The following NBEAL1 variants were observed in gnomAD, a reference collection of about 807,000 sequenced individuals.
The protein encoded by NBEAL1 is neurobeachin-like protein 1.
In NBEAL1, 273 loss-of-function variants were observed where a neutral mutation model predicts 351.3. The ratio of observed to expected loss-of-function variants is 0.78; its 90% CI spans 0.70 to 0.86. The LOEUF (loss-of-function observed/expected upper bound fraction) is 0.86. Among genes scored for constraint, NBEAL1 ranks in the 40% least tolerant of loss-of-function variants. The pLI is 0.00. For missense variants in NBEAL1, 2,961 were observed against 3,201.3 expected, an observed-to-expected ratio of 0.92 and a Z score of 1.81; for synonymous variants, 1,050 against 1,086.4, an observed-to-expected ratio of 0.97 and a Z score of 0.66.
rs986377533 is a variant in NBEAL1, at chr2:203,138,032, G to A, written c.4566-130G>A. Reference sequence around the variant, plus strand: ...TCAATTTCCATTTACAGTATCTTAGGGATACCTGCTAGAGATAGTATATCT... The same window carrying A: ...TCAATTTCCATTTACAGTATCTTAGAGATACCTGCTAGAGATAGTATATCT... On this transcript the variant is annotated intron_variant, in intron 29 of 55. Transcript: ENST00000683969. The A allele has an allele frequency of 8.0e-5, 66 of 826,614 alleles. 1 individual carries two copies. The highest frequency in any genetic ancestry group is 1.2e-4 in the Non-Finnish European group (64 of 530,590). 51.2% of individuals were successfully genotyped at this position (826,614 alleles called of 1,614,324 possible). A position where few individuals can be genotyped will look rare whatever the true frequency, so the allele number is the denominator to read the frequency against.
intron 26 of NBEAL1, 73 bp downstream of exon 26, chr2:203,132,205 C>A: frequency 1.1e-6 from 1 of 945,084 alleles, no homozygotes; most frequent in Non-Finnish European, 1.5e-6. Context: ...ATACCTTTCT[C>A]AGGCTGCTTT....
At chr2:203,097,748 A>C (rs1475999564) in intron 11 of NBEAL1, 115 bp downstream of exon 11, 1 of 233,330 alleles carries the variant, frequency 4.3e-6, no homozygotes, top group Non-Finnish European at 7.1e-6. Context: ...GTCAAATTCT[A>C]ATATTTATTA....
chr2:203,069,364 G>A (rs1487279567), intron 7 of NBEAL1, among the ~76,000 whole-genome samples: 1 of 152,098 alleles, frequency 6.6e-6, no homozygotes, highest in Non-Finnish European at 1.5e-5. Flanking sequence ...AAGCTCCATA[G>A]TAGACCATCT....
intron 19 of NBEAL1, among the ~76,000 whole-genome samples, chr2:203,124,328 T>A (rs1296121624): frequency 6.6e-6 from 1 of 152,048 alleles, no homozygotes; most frequent in Non-Finnish European, 1.5e-5. Flanking sequence ...CGAAACCCTG[T>A]CTCAAAAACA....
chr2:203,123,755 A>G (rs1419158829), intron 19 of NBEAL1, among the ~76,000 whole-genome samples: 3 of 152,318 alleles, frequency 2.0e-5, no homozygotes, highest in African/African-American at 4.8e-5. Context: ...GGTATTTTAT[A>G]TATAGAAATC....
rs1012291224 is a variant in NBEAL1, at chr2:203,038,050, A to T, written c.52-3715A>T. Among the ~76,000 whole-genome samples, 42 of 149,248 alleles carry T rather than the reference A, an allele frequency of 2.8e-4. 3 individuals carry two copies. Among genetic ancestry groups the T allele is most frequent in the African/African-American group, 7.5e-4 (31 of 41,182 alleles). On this transcript the variant is annotated intron_variant, in intron 2 of 55. Transcript: ENST00000683969. Reference sequence around the variant, plus strand: ...CTTTTGCTCAATAGATTTTTGAAAAATTTTTTTGTCATTGTAAGTATCAAT... The same window carrying T: ...CTTTTGCTCAATAGATTTTTGAAAATTTTTTTTGTCATTGTAAGTATCAAT...
intron 17 of NBEAL1, among the ~76,000 whole-genome samples, chr2:203,113,566 T>TTTG (rs2062621029): frequency 6.6e-6 from 1 of 152,084 alleles, no homozygotes; most frequent in Non-Finnish European, 1.5e-5. Flanking sequence ...TCATCCATAA[T>TTTG]ACTGCCTGTA....
Position 203,223,065 on chromosome 2 carries a change from T to C in NBEAL1, c.*5711T>C, listed in dbSNP as rs976281877. On this transcript the variant is annotated 3_prime_UTR_variant, in exon 56 of 56. Transcript: ENST00000683969. ...GTATTATCAGATACTTATTTGATTA[T>C]AGTAATTCATCAGACACATCTCCTT... Among the ~76,000 whole-genome samples the C allele has an allele frequency of 6.6e-6, 1 of 152,200 alleles. No homozygotes were observed. Among genetic ancestry groups the C allele is most frequent in the Non-Finnish European group, 1.5e-5 (1 of 68,018 alleles).
At position 203,113,112 on chromosome 2, in the gene NBEAL1, C is replaced by G. The variant is rs1408600260; in HGVS notation, c.2300C>G (p.Pro767Arg). 2 of 1,552,954 alleles carry G rather than the reference C, an allele frequency of 1.3e-6. No individual in the cohort carries two copies. Among genetic ancestry groups the G allele is most frequent in the Admixed American group, 2.0e-5 (1 of 50,722 alleles). ...CCACCTTTCTCTTCTCCCATTACCC[C>G]TCATCGGACATCATTTGGTGGAATT... ...PDPPFSSPIT[P>R]HRTSFGGILS... Residue 767 changes from proline to arginine, a missense_variant, in exon 17 of 56, where the codon CCT becomes CGT. Coordinates refer to ENST00000683969, the MANE Select transcript of NBEAL1 (RefSeq NM_001378026.1).
Position 203,113,269 on chromosome 2 carries a change from C to T in NBEAL1, c.2457C>T (p.Ile819=). ...SLEGQLGSVI[I]FYEPLQPPQV... ...AGGGTCAGCTAGGATCTGTTATCAT[C>T]TTTTATGAACCACTACAACCTCCTC... The change falls in exon 17 of 56, where the codon ATC becomes ATT. Residue 819 remains isoleucine, a synonymous_variant. Transcript: ENST00000683969. The T allele has an allele frequency of 1.3e-6, 2 of 1,481,810 alleles. No homozygotes were observed. The highest frequency in any genetic ancestry group is 2.4e-5 in the Admixed American group (1 of 41,212). The allele number at this position is 1,481,810 out of a possible 1,614,324, so 91.8% of individuals were successfully genotyped here. A position where few individuals can be genotyped will look rare whatever the true frequency, so the allele number is the denominator to read the frequency against.
chr2:203,074,383 A>G (rs913920624), intron 7 of NBEAL1, among the ~76,000 whole-genome samples: 4 of 133,650 alleles, frequency 3.0e-5, no homozygotes, highest in Admixed American at 8.8e-5. Context: ...GGAGTGGTGC[A>G]GTGGCACGAT....
At chr2:203,088,428 G>T (rs1399368009) in intron 10 of NBEAL1, among the ~76,000 whole-genome samples, 1 of 152,250 alleles carries the variant, frequency 6.6e-6, no homozygotes, top group East Asian at 1.9e-4. Context: ...CAGTGATGGG[G>T]TCACCAAAGC....
At chr2:203,070,359 CTTTTT>C (rs34588218) in intron 7 of NBEAL1, among the ~76,000 whole-genome samples, 2 of 92,336 alleles carry the variant, frequency 2.2e-5, no homozygotes, top group Non-Finnish European at 2.1e-5. Flanking sequence ...CTCTCTCTCT[CTTTTT>C]TTTTTTTTTT....
rs1435144724 is a variant in NBEAL1, at chr2:203,094,536, G to A, written c.1099-3011G>A. On this transcript the variant is annotated intron_variant, in intron 10 of 55. Coordinates refer to ENST00000683969, the MANE Select transcript of NBEAL1 (RefSeq NM_001378026.1). ...TCATAAACAATTTATGAATCAGATG[G>A]ACAACCTTAAGCTGGCGGCTGCTGT... Among the ~76,000 whole-genome samples the A allele has an allele frequency of 3.3e-5, 5 of 152,136 alleles. No individual in the cohort carries two copies. The East Asian group carries it at 9.6e-4, about 29-fold the overall frequency.
In NBEAL1 at chr2:203,113,335, A is replaced by T; in HGVS notation, c.2506+17A>T. The T allele has an allele frequency of 7.6e-7, 1 of 1,307,378 alleles. No homozygotes were observed. The highest frequency in any genetic ancestry group is 9.8e-7 in the Non-Finnish European group (1 of 1,018,968). 81.0% of individuals were successfully genotyped at this position (1,307,378 alleles called of 1,614,324 possible). ...ATTTAGCAGGTAAGCATGTACAGTC[A>T]TAATGCTTAAGCAAATTTAGAGTTT... On this transcript the variant is annotated intron_variant, in intron 17 of 55. Coordinates refer to ENST00000683969, the MANE Select transcript of NBEAL1 (RefSeq NM_001378026.1).
Position 203,107,998 on chromosome 2 carries a change from G to A in NBEAL1, c.1759G>A (p.Ala587Thr). 1 of 1,554,464 alleles carries A rather than the reference G, an allele frequency of 6.4e-7. No homozygotes were observed. Among genetic ancestry groups the A allele is most frequent in the Non-Finnish European group, 8.7e-7 (1 of 1,147,926 alleles). ...CGTGACTCGAGCAATCCTGACAATGGCCCGAAAACTAAGTCTAGAGAGTGC... is the reference window on the plus strand; with the variant it reads ...CGTGACTCGAGCAATCCTGACAATGACCCGAAAACTAAGTCTAGAGAGTGC... ...TPVTRAILTM[A>T]RKLSLESALQ... The change falls in exon 14 of 56, where the codon GCC (alanine) becomes ACC (threonine). Residue 587 changes from alanine (A) to threonine (T), a missense_variant. Ala to Thr is a moderately conservative substitution (Grantham distance 58, BLOSUM62 0). Transcript: ENST00000683969.
At chr2:203,188,210 C>G (rs1575104848) in intron 44 of NBEAL1, among the ~76,000 whole-genome samples, 1 of 151,618 alleles carries the variant, frequency 6.6e-6, no homozygotes, top group African/African-American at 2.4e-5. Context: ...CTGTTATAAG[C>G]ATATTTGTGT....
At chr2:203,176,375 C>G (rs7565561) in intron 42 of NBEAL1, among the ~76,000 whole-genome samples, 1 of 151,476 alleles carries the variant, frequency 6.6e-6, no homozygotes, top group East Asian at 1.9e-4. Context: ...AGTGATCAGC[C>G]CACCTTGGCC....
At chr2:203,080,097 G>A (rs1299795830) in intron 8 of NBEAL1, among the ~76,000 whole-genome samples, 1 of 152,070 alleles carries the variant, frequency 6.6e-6, no homozygotes, top group African/African-American at 2.4e-5. Context: ...TATTAATTTT[G>A]TAAACACCAT....
Sources: gnomAD v4.1 joint callset for allele counts (sites outside exome capture counted in the v4.1 genomes callset) on GRCh38, gnomAD v4.1.1 for gene constraint, MANE v1.5 for transcripts, NCBI Gene and HGNC (gene_info 2026-07-23, HGNC 2026-07-21) for gene names.